Variants in CES5A observed in about 807,000 individuals in gnomAD.
CES5A encodes carboxylesterase 5.
Under a neutral mutation model 62.9 loss-of-function variants are expected in CES5A, and 67 were observed. The ratio of observed to expected loss-of-function variants is 1.07; its 90% CI spans 0.88 to 1.31. The LOEUF is 1.31. Ranked by LOEUF, CES5A falls within the 50% of genes most tolerant of loss-of-function variation. CES5A has a pLI of 0.00. For missense variants in CES5A, 748 were observed against 708.5 expected (o/e 1.06, Z -0.63); for synonymous variants, 296 against 280.8 (o/e 1.05, Z -0.54).
intron 1 of CES5A, among the ~76,000 whole-genome samples, chr16:55,950,464 A>G (rs1389783110): frequency 6.6e-6 from 1 of 152,244 alleles, no homozygotes; most frequent in Admixed American, 6.5e-5. Context: ...GAGTACTGAA[A>G]TTTTAAAAAA....
At chr16:55,856,320 G>GTTAT in intron 9 of CES5A, 57 bp downstream of exon 9, 1 of 1,523,992 alleles carries the variant, frequency 6.6e-7, no homozygotes, top group Non-Finnish European at 9.1e-7. Flanking sequence ...GTGTGACCTA[G>GTTAT]GGCTATCTGT....
At chr16:55,912,571 TGGA>T (rs150812897) in intron 1 of CES5A, among the ~76,000 whole-genome samples, 1 of 147,676 alleles carries the variant, frequency 6.8e-6, no homozygotes, top group Non-Finnish European at 1.5e-5. Context: ...GATGAGGACA[TGGA>T]GGAGGAGGAG....
intron 2 of CES5A, among the ~76,000 whole-genome samples, chr16:55,872,593 C>T (rs191888527): frequency 6.6e-6 from 1 of 152,326 alleles, no homozygotes; most frequent in East Asian, 1.9e-4. Context: ...GTGAATGCTT[C>T]TACCATACTG....
intron 1 of CES5A, among the ~76,000 whole-genome samples, chr16:55,894,709 C>G (rs1180215811): frequency 6.6e-6 from 1 of 152,022 alleles, no homozygotes. Context: ...ACATTTACTG[C>G]AGAAAAAAGT....
At chr16:55,955,308 G>A (rs1233238338) in intron 1 of CES5A, among the ~76,000 whole-genome samples, 3 of 152,028 alleles carry the variant, frequency 2.0e-5, no homozygotes, top group African/African-American at 7.2e-5. Flanking sequence ...TTTTTAATAA[G>A]TAATTTGCTG....
At chr16:55,885,153 T>C (rs1311530722) in intron 1 of CES5A, among the ~76,000 whole-genome samples, 6 of 152,212 alleles carry the variant, frequency 3.9e-5, no homozygotes, top group Non-Finnish European at 8.8e-5. Flanking sequence ...TTGTTCTCCA[T>C]GTATTTTTCA....
At chr16:55,948,885 T>C (rs1474485395) in intron 2 of CES5A, among the ~76,000 whole-genome samples, 1 of 152,196 alleles carries the variant, frequency 6.6e-6, no homozygotes, top group Non-Finnish European at 1.5e-5. Context: ...GATTTTTGTC[T>C]TGACTGACTG....
intron 1 of CES5A, among the ~76,000 whole-genome samples, chr16:55,874,807 T>C (rs1230910576): frequency 6.6e-6 from 1 of 152,164 alleles, no homozygotes; most frequent in African/African-American, 2.4e-5. Flanking sequence ...CTGTTTCTAA[T>C]GTCATTTCAT....
chr16:55,918,366 G>A (rs545021257), intron 1 of CES5A, among the ~76,000 whole-genome samples: 23 of 152,122 alleles, frequency 1.5e-4, no homozygotes, highest in East Asian at 1.4e-3. Context: ...TAATAAATCC[G>A]TCATTCCATA....
intron 2 of CES5A, among the ~76,000 whole-genome samples, chr16:55,948,185 C>T (rs981315260): frequency 6.6e-6 from 1 of 152,148 alleles, no homozygotes; most frequent in Non-Finnish European, 1.5e-5. Context: ...ATCTGTGGCT[C>T]ATACTTTTTC....
intron 5 of CES5A, among the ~76,000 whole-genome samples, chr16:55,865,307 ATC>A (rs1336542749): frequency 6.6e-6 from 1 of 152,226 alleles, no homozygotes; most frequent in African/African-American, 2.4e-5. Context: ...ATAGATAAAC[ATC>A]TCTCTATTTA....
chr16:55,926,639 G>A (rs117825339), upstream of CES5A, among the ~76,000 whole-genome samples: 3,357 of 152,316 alleles, frequency 0.022, 42 homozygotes, highest in Non-Finnish European at 0.029. Context: ...CAAAATTACC[G>A]TTGTTTAATG....
chr16:55,888,297 C>T (rs1340829223), intron 1 of CES5A, among the ~76,000 whole-genome samples: 1 of 152,112 alleles, frequency 6.6e-6, no homozygotes, highest in East Asian at 1.9e-4. Flanking sequence ...TGCAGCTTTC[C>T]GTTTACTGTC....
chr16:55,852,860 G>A (rs753374862), intron 10 of CES5A, 21 bp downstream of exon 10: 2 of 1,605,998 alleles, frequency 1.2e-6, no homozygotes, highest in East Asian at 2.2e-5. Flanking sequence ...TGGTCCTGGA[G>A]CGGGATGCTC....
intron 10 of CES5A, among the ~76,000 whole-genome samples, chr16:55,852,609 T>C (rs144184446): frequency 2.5e-3 from 385 of 152,332 alleles, no homozygotes; most frequent in South Asian, 0.023. Context: ...TCCTTGGGGA[T>C]GGCGCCCAGA....
chr16:55,858,926 C>G (rs1265705581), intron 8 of CES5A, among the ~76,000 whole-genome samples: 1 of 152,094 alleles, frequency 6.6e-6, no homozygotes, highest in Non-Finnish European at 1.5e-5. Context: ...CTAAAGATAC[C>G]TTCTCTCCTC....
chr16:55,905,823 T>C (rs2034035654), intron 1 of CES5A, among the ~76,000 whole-genome samples: 1 of 152,162 alleles, frequency 6.6e-6, no homozygotes, highest in Admixed American at 6.5e-5. Context: ...TACAAAACTA[T>C]ACGCGCAATG....
chr16:55,886,328 G>C (rs1362037774), intron 1 of CES5A, among the ~76,000 whole-genome samples: 6 of 152,338 alleles, frequency 3.9e-5, no homozygotes, highest in Admixed American at 3.3e-4. Context: ...GTGACAGATA[G>C]GATCCTAAAT....
At chr16:55,868,766 C>G (rs1215208109) in intron 4 of CES5A, among the ~76,000 whole-genome samples, 1 of 152,212 alleles carries the variant, frequency 6.6e-6, no homozygotes, top group Non-Finnish European at 1.5e-5. Flanking sequence ...ATCAGGACTT[C>G]TCCTGCCATG....
Sources: gnomAD v4.1 joint callset for allele counts (sites outside exome capture counted in the v4.1 genomes callset) on GRCh38, gnomAD v4.1.1 for gene constraint, MANE v1.5 for transcripts, NCBI Gene and HGNC (gene_info 2026-07-23, HGNC 2026-07-21) for gene names.